The following PCDH15 variants were observed in gnomAD, a reference collection of about 807,000 sequenced individuals.
PCDH15 encodes protocadherin related 15, also known as protocadherin-15.
PCDH15 carries 129 observed loss-of-function variants against 178.5 expected under a neutral mutation model. That is an observed-to-expected ratio of 0.72 (90% CI 0.63 to 0.84). The LOEUF (loss-of-function observed/expected upper bound fraction) is 0.84, where lower values mean the gene tolerates loss of function less well. PCDH15 is among the 40% of genes least tolerant of loss of function. The pLI is 0.00. For missense variants in PCDH15, 2,230 were observed against 2,099.9 expected (o/e 1.06, Z -1.21); for synonymous variants, 800 against 732.0 (o/e 1.09, Z -1.50).
intron 2 of PCDH15, among the ~76,000 whole-genome samples, chr10:55,574,883 A>G (rs373272083): frequency 1.3e-5 from 2 of 152,028 alleles, no homozygotes; most frequent in African/African-American, 4.8e-5. Flanking sequence ...CCTTTATAGG[A>G]CCTCATTAAT....
intron 1 of PCDH15, among the ~76,000 whole-genome samples, chr10:55,312,460 A>C (rs1008071894): frequency 6.6e-6 from 1 of 152,190 alleles, no homozygotes; most frequent in Non-Finnish European, 1.5e-5. Flanking sequence ...AGTAGACAGC[A>C]ACCCACATTA....
At chr10:55,570,084 T>G (rs1243955640) in intron 2 of PCDH15, among the ~76,000 whole-genome samples, 3 of 151,992 alleles carry the variant, frequency 2.0e-5, no homozygotes, top group African/African-American at 7.2e-5. Context: ...GCTTTCATCT[T>G]AAATTCTTAC....
intron 6 of PCDH15, among the ~76,000 whole-genome samples, chr10:54,340,993 T>C (rs902266008): frequency 6.6e-6 from 1 of 152,156 alleles, no homozygotes; most frequent in Non-Finnish European, 1.5e-5. Context: ...TAAGCTCTTA[T>C]TGGGAAGCTG....
At chr10:55,222,718 C>CACAG (rs1840913319) in intron 1 of PCDH15, among the ~76,000 whole-genome samples, 5 of 24,456 alleles carry the variant, frequency 2.0e-4, no homozygotes, top group South Asian at 5.5e-3. Flanking sequence ...TATACACACA[C>CACAG]ACACACACAC....
chr10:54,730,477 T>C (rs1034186521), intron 1 of PCDH15, among the ~76,000 whole-genome samples: 1 of 151,508 alleles, frequency 6.6e-6, no homozygotes, highest in Admixed American at 6.6e-5. Flanking sequence ...AAATAATCTG[T>C]ACACCAAGCC....
At chr10:55,030,251 A>C (rs940110655) in intron 2 of PCDH15, among the ~76,000 whole-genome samples, 2 of 152,158 alleles carry the variant, frequency 1.3e-5, no homozygotes, top group South Asian at 4.1e-4. Flanking sequence ...AGAACCACAG[A>C]GCAGCCATTA....
At chr10:55,239,531 C>T (rs925512029) in intron 1 of PCDH15, among the ~76,000 whole-genome samples, 5 of 152,120 alleles carry the variant, frequency 3.3e-5, no homozygotes, top group African/African-American at 1.2e-4. Context: ...TTGCCATATA[C>T]AAAAATCATA....
intron 2 of PCDH15, among the ~76,000 whole-genome samples, chr10:55,396,987 C>G (rs562992977): frequency 6.6e-6 from 1 of 152,210 alleles, no homozygotes; most frequent in Admixed American, 6.5e-5. Flanking sequence ...TGTGAGTATC[C>G]TTAGAAATAG....
intron 1 of PCDH15, among the ~76,000 whole-genome samples, chr10:54,692,611 T>C (rs1046886006): frequency 6.6e-6 from 1 of 152,128 alleles, no homozygotes; most frequent in African/African-American, 2.4e-5. Context: ...GTGATTCAGT[T>C]TACATAAGAT....
intron 1 of PCDH15, among the ~76,000 whole-genome samples, chr10:55,183,248 T>C (rs1393453985): frequency 1.3e-5 from 2 of 151,986 alleles, no homozygotes; most frequent in Non-Finnish European, 2.9e-5. Flanking sequence ...TTTAGAAATA[T>C]TGTCAAGTGT....
At chr10:54,216,972 G>A (rs2052148624) in intron 9 of PCDH15, among the ~76,000 whole-genome samples, 1 of 151,948 alleles carries the variant, frequency 6.6e-6, no homozygotes, top group South Asian at 2.1e-4. Flanking sequence ...GTAAAAAAAA[G>A]CAATTTGGAA....
chr10:54,263,357 A>G (rs1248140452), intron 8 of PCDH15, among the ~76,000 whole-genome samples: 1 of 152,160 alleles, frequency 6.6e-6, no homozygotes, highest in Non-Finnish European at 1.5e-5. Context: ...CCAGAACCAG[A>G]CTTGGAGAAG....
chr10:55,246,387 G>A (rs1754714390), intron 1 of PCDH15, among the ~76,000 whole-genome samples: 1 of 152,148 alleles, frequency 6.6e-6, no homozygotes. Context: ...ATTAGGCAAA[G>A]TATATGAGGG....
intron 37 of PCDH15, 56 bp downstream of exon 37, chr10:53,810,500 G>A (rs2075824488): frequency 4.7e-6 from 7 of 1,503,148 alleles, no homozygotes; most frequent in South Asian, 1.1e-5. Context: ...GTCACGTAGG[G>A]TTAAACAATA....
intron 3 of PCDH15, among the ~76,000 whole-genome samples, chr10:54,848,637 T>C (rs1470994636): frequency 6.6e-6 from 1 of 152,164 alleles, no homozygotes; most frequent in Non-Finnish European, 1.5e-5. Flanking sequence ...TATTTATAAA[T>C]TACTCAGTTT....
intron 1 of PCDH15, among the ~76,000 whole-genome samples, chr10:55,273,722 T>C (rs1842510774): frequency 6.6e-6 from 1 of 152,120 alleles, no homozygotes. Context: ...AAATTTAATT[T>C]ATAGAGAGAT....
intron 15 of PCDH15, among the ~76,000 whole-genome samples, chr10:54,090,934 TAGA>T (rs2094590826): frequency 6.6e-6 from 1 of 152,180 alleles, no homozygotes; most frequent in Non-Finnish European, 1.5e-5. Flanking sequence ...TCAAGGCACA[TAGA>T]CTAATATCTG....
At chr10:55,247,022 C>A (rs1841694431) in intron 1 of PCDH15, among the ~76,000 whole-genome samples, 1 of 152,074 alleles carries the variant, frequency 6.6e-6, no homozygotes, top group Non-Finnish European at 1.5e-5. Flanking sequence ...AGTTTAAGCA[C>A]AAATATGCAA....
In PCDH15 at chr10:54,237,025, G is replaced by A. The variant is rs12265855; in HGVS notation, c.877-94C>T. On this transcript the variant is annotated intron_variant, in intron 8 of 37. Transcript: ENST00000644397. ...GCTTTAGTTTGGAAATCTATATAAC[G>A]TCTGAGACAGTAAACTCAAGTTTCA... The A allele has an allele frequency of 0.02, 20,234 of 1,036,818 alleles. 980 individuals are homozygous for A. The highest frequency in any genetic ancestry group is 0.17 in the African/African-American group (10,711 of 63,614). The allele number at this position is 1,036,818 out of a possible 1,614,324, so 64.2% of individuals were successfully genotyped here. A position where few individuals can be genotyped will look rare whatever the true frequency, so the allele number is the denominator to read the frequency against.
Sources: gnomAD v4.1 joint callset for allele counts (sites outside exome capture counted in the v4.1 genomes callset) on GRCh38, gnomAD v4.1.1 for gene constraint, MANE v1.5 for transcripts, NCBI Gene and HGNC (gene_info 2026-07-23, HGNC 2026-07-21) for gene names.